The following MAGI1 variants were observed in gnomAD, a reference collection of about 807,000 sequenced individuals.
MAGI1 encodes the protein membrane associated guanylate kinase, WW and PDZ domain containing 1.
MAGI1 carries 58 observed loss-of-function variants against 139.9 expected under a neutral mutation model. The ratio of observed to expected loss-of-function variants is 0.41; its 90% CI spans 0.34 to 0.52. The LOEUF is 0.52. MAGI1 is among the 20% of genes least tolerant of loss of function. The pLI, the probability that MAGI1 is intolerant of heterozygous loss-of-function variation, is 0.12. For synonymous variants in MAGI1, 812 were observed against 737.9 expected, an observed-to-expected ratio of 1.10 and a Z score of -1.63; for missense variants, 1,874 against 1,901.6, an observed-to-expected ratio of 0.99 and a Z score of 0.27.
intron 5 of MAGI1, among the ~76,000 whole-genome samples, chr3:65,460,607 TAC>T (rs1239254354): frequency 6.6e-6 from 1 of 152,168 alleles, no homozygotes; most frequent in Admixed American, 6.5e-5. Context: ...GCAGATTTGT[TAC>T]ACAGGTATAC....
In MAGI1 at chr3:65,875,529, C is replaced by T. The variant is rs536932738; in HGVS notation, c.313+162467G>A. On this transcript the variant is annotated intron_variant, in intron 1 of 22. Coordinates refer to ENST00000402939, the MANE Select transcript of MAGI1 (RefSeq NM_001033057.2). ...GTTGCATGAGGAAATGGAAAAAACA[C>T]ATGACTATGACCAATGTCAGAGGTG... Among the ~76,000 whole-genome samples the T allele has an allele frequency of 3.9e-5, 6 of 152,282 alleles. No homozygotes were observed. The East Asian group carries it at 9.7e-4, about 25-fold the overall frequency.
chr3:65,493,430 A>T, intron 3 of MAGI1, 82 bp downstream of exon 3: 1 of 1,573,186 alleles, frequency 6.4e-7, no homozygotes, highest in Non-Finnish European at 8.7e-7. Flanking sequence ...CAGATTCCAC[A>T]AAACATTTTT....
At chr3:65,445,395 A>G (rs1484002437) in intron 7 of MAGI1, among the ~76,000 whole-genome samples, 1 of 152,200 alleles carries the variant, frequency 6.6e-6, no homozygotes, top group Non-Finnish European at 1.5e-5. Context: ...AATAGGACAG[A>G]TGTCTGTGGC....
intron 4 of MAGI1, among the ~76,000 whole-genome samples, chr3:65,478,005 A>C (rs1951005707): frequency 1.3e-5 from 2 of 152,162 alleles, no homozygotes; most frequent in South Asian, 4.1e-4. Flanking sequence ...GCTATATAAT[A>C]TAGAATGCAT....
At position 65,882,435 on chromosome 3, in the gene MAGI1, A is replaced by T. The variant is rs540851389; in HGVS notation, c.313+155561T>A. ...TAGTTTTTATATCACTCAGTTCCAT[A>T]CTCAAATTCAGGAAGAGTATGTCTG... On this transcript the variant is annotated intron_variant, in intron 1 of 22. Transcript: ENST00000402939. Among the ~76,000 whole-genome samples, 15 of 152,202 alleles carry T rather than the reference A, an allele frequency of 9.9e-5. No homozygotes were observed. The South Asian group carries it at 2.5e-3, about 25-fold the overall frequency.
chr3:65,826,444 C>T (rs1268896537), intron 1 of MAGI1, among the ~76,000 whole-genome samples: 2 of 152,166 alleles, frequency 1.3e-5, no homozygotes, highest in African/African-American at 4.8e-5. Flanking sequence ...AAATTCTTAC[C>T]TGTTACTTGT....
chr3:65,950,106 A>AAAAAAAAAAAAAAAAAAAAC (rs796698272), intron 1 of MAGI1, among the ~76,000 whole-genome samples: 14 of 84,178 alleles, frequency 1.7e-4, no homozygotes, highest in East Asian at 7.9e-4. Flanking sequence ...AAAAAAAAAA[A>AAAAAAAAAAAAAAAAAAAAC]CAGAACTAGC....
chr3:65,918,029 G>A (rs2061988858), intron 1 of MAGI1, among the ~76,000 whole-genome samples: 1 of 152,206 alleles, frequency 6.6e-6, no homozygotes, highest in Non-Finnish European at 1.5e-5. Context: ...GCTGGAAGCA[G>A]AGGGTACATA....
At chr3:65,933,990 G>GCC (rs2062928213) in intron 1 of MAGI1, among the ~76,000 whole-genome samples, 1 of 152,082 alleles carries the variant, frequency 6.6e-6, no homozygotes, top group African/African-American at 2.4e-5. Context: ...AGCTGGGCTT[G>GCC]GTGGTGGGCA....
chr3:65,925,625 C>G (rs185761115), intron 1 of MAGI1, among the ~76,000 whole-genome samples: 185 of 152,226 alleles, frequency 1.2e-3, no homozygotes, highest in African/African-American at 4.3e-3. Context: ...AATAAAGAAC[C>G]CCAACCTCTC....
chr3:65,629,581 C>T (rs1255933658), intron 1 of MAGI1, among the ~76,000 whole-genome samples: 1 of 149,298 alleles, frequency 6.7e-6, no homozygotes, highest in East Asian at 2.0e-4. Flanking sequence ...AAAAATCCAT[C>T]AGTTCAGCAC....
chr3:65,665,454 GA>G (rs2086452337), intron 1 of MAGI1, among the ~76,000 whole-genome samples: 1 of 152,164 alleles, frequency 6.6e-6, no homozygotes, highest in Non-Finnish European at 1.5e-5. Context: ...AAAGGATCAG[GA>G]AAGTGTTCAA....
At chr3:65,817,633 A>C (rs12629744) in intron 1 of MAGI1, among the ~76,000 whole-genome samples, 87,803 of 151,724 alleles carry the variant, frequency 0.58, 26,014 homozygotes, top group East Asian at 0.93. Context: ...AGTGTTAGAA[A>C]AGAAAGAGGG....
chr3:65,514,168 T>G (rs1191781295), intron 2 of MAGI1, among the ~76,000 whole-genome samples: 1 of 151,122 alleles, frequency 6.6e-6, no homozygotes, highest in Non-Finnish European at 1.5e-5. Flanking sequence ...CAAGATGGAT[T>G]AAAGATTTAA....
At chr3:65,432,485 T>C (rs530066051) in intron 10 of MAGI1, among the ~76,000 whole-genome samples, 6 of 152,332 alleles carry the variant, frequency 3.9e-5, no homozygotes, top group East Asian at 1.9e-4. Flanking sequence ...TTTAAAAGTT[T>C]CTGGCTCTTG....
At chr3:65,504,443 C>A (rs370881513) in intron 2 of MAGI1, among the ~76,000 whole-genome samples, 1 of 152,132 alleles carries the variant, frequency 6.6e-6, no homozygotes, top group African/African-American at 2.4e-5. Context: ...AAAACATGCA[C>A]ACATTATGTG....
intron 1 of MAGI1, among the ~76,000 whole-genome samples, chr3:66,024,209 GT>G (rs2068106926): frequency 6.6e-6 from 1 of 150,690 alleles, no homozygotes; most frequent in Non-Finnish European, 1.5e-5. Context: ...TTGCAAGCTT[GT>G]CATCTGAGGA....
chr3:65,952,889 C>A (rs1387448782), intron 1 of MAGI1, among the ~76,000 whole-genome samples: 1 of 152,192 alleles, frequency 6.6e-6, no homozygotes, highest in Non-Finnish European at 1.5e-5. Flanking sequence ...CAAAGTATTT[C>A]CTGTTGTTTG....
At chr3:65,753,592 A>G (rs2036329168) in intron 1 of MAGI1, among the ~76,000 whole-genome samples, 1 of 151,694 alleles carries the variant, frequency 6.6e-6, no homozygotes, top group African/African-American at 2.4e-5. Flanking sequence ...GTGGTGGCAC[A>G]TGCCTGTAAT....
Sources: gnomAD v4.1 joint callset for allele counts (sites outside exome capture counted in the v4.1 genomes callset) on GRCh38, gnomAD v4.1.1 for gene constraint, MANE v1.5 for transcripts, NCBI Gene and HGNC (gene_info 2026-07-23, HGNC 2026-07-21) for gene names.